Variants in N4BP2 observed in about 807,000 individuals in gnomAD.
The protein encoded by N4BP2 is NEDD4-binding protein 2.
In N4BP2, 91 loss-of-function variants were observed where a neutral mutation model predicts 152.8. The ratio of observed to expected loss-of-function variants is 0.60; its 90% CI spans 0.50 to 0.71. N4BP2 has a LOEUF of 0.71. N4BP2 is among the 30% of genes least tolerant of loss of function. N4BP2 has a pLI of 0.00. For synonymous variants in N4BP2, 646 were observed against 705.3 expected (o/e 0.92, Z 1.33); for missense variants, 1,923 against 2,059.1 (o/e 0.93, Z 1.28).
At chr4:40,167,393 A>G in the N4BP2 span, 3 of 152,236 alleles carry the variant, frequency 2.0e-5, no homozygotes, top group African/African-American at 7.2e-5. Flanking sequence ...CTCTGACAGA[A>G]TTCCTGAATC....
intron 1 of N4BP2, among the ~76,000 whole-genome samples, chr4:40,066,320 C>CCTT (rs796388604): frequency 5.4e-5 from 7 of 129,064 alleles, no homozygotes; most frequent in Non-Finnish European, 6.3e-5. Context: ...GTGATTTTCC[C>CCTT]TTTTTTTTTT....
chr4:40,060,623 G>A (rs1733583436), intron 1 of N4BP2, among the ~76,000 whole-genome samples: 1 of 142,594 alleles, frequency 7.0e-6, no homozygotes, highest in Non-Finnish European at 1.5e-5. Flanking sequence ...TTTTTTTTGA[G>A]ACAGGGTCTC....
chr4:40,117,160 T>C (rs1314723694), intron 7 of N4BP2, among the ~76,000 whole-genome samples: 1 of 152,200 alleles, frequency 6.6e-6, no homozygotes, highest in Non-Finnish European at 1.5e-5. Context: ...TTCTTTACAT[T>C]GCTTCCGTCC....
At chr4:40,072,513 G>C (rs1712307716) in intron 1 of N4BP2, among the ~76,000 whole-genome samples, 1 of 151,564 alleles carries the variant, frequency 6.6e-6, no homozygotes, top group African/African-American at 2.4e-5. Context: ...CAACGTGCTG[G>C]GATTACAGGC....
chr4:40,067,638 G>A (rs951414772), intron 1 of N4BP2, among the ~76,000 whole-genome samples: 4 of 152,092 alleles, frequency 2.6e-5, no homozygotes, highest in South Asian at 2.1e-4. Flanking sequence ...GCCATTGTAC[G>A]TTCCTACCAG....
intron 5 of N4BP2, among the ~76,000 whole-genome samples, chr4:40,110,694 C>T (rs891579325): frequency 2.6e-5 from 4 of 152,108 alleles, no homozygotes; most frequent in African/African-American, 9.7e-5. Context: ...CAAGCCACTA[C>T]GCCCGGCTAA....
rs1721603550 is a variant in N4BP2 at position 40,156,443 on chromosome 4, A to G, written c.*2206A>G. On this transcript the variant is annotated 3_prime_UTR_variant, in exon 18 of 18. Transcript: ENST00000261435. ...TATATCTTAATCATTGTTGATAAAT[A>G]TACAGGCAAAGTTTGAGCATCATAT... 2 of 152,170 alleles carry G rather than the reference A, an allele frequency of 1.3e-5. No individual in the cohort carries two copies. Among genetic ancestry groups the G allele is most frequent in the Admixed American group, 6.5e-5 (1 of 15,278 alleles). The allele number at this position is 152,170 out of a possible 1,614,324, so 9.4% of individuals were successfully genotyped here.
At chr4:40,189,750 A>G in the N4BP2 span, among the ~76,000 whole-genome samples, 1 of 152,026 alleles carries the variant, frequency 6.6e-6, no homozygotes, top group Non-Finnish European at 1.5e-5. The surrounding 1 kb of genome is among the most constrained non-coding windows in gnomAD (Gnocchi z 4.3). Flanking sequence ...TTAGCTGGGC[A>G]TGGTGGTAGG....
chr4:40,116,336 C>A (rs1717330046), intron 7 of N4BP2, among the ~76,000 whole-genome samples: 1 of 151,990 alleles, frequency 6.6e-6, no homozygotes, highest in African/African-American at 2.4e-5. Flanking sequence ...GATCTTGTCT[C>A]ATTCTGTGCT....
chr4:40,111,448 G>C (rs1175669330), intron 5 of N4BP2, among the ~76,000 whole-genome samples: 1 of 152,088 alleles, frequency 6.6e-6, no homozygotes, highest in Admixed American at 6.5e-5. Context: ...AGCCTCCCAA[G>C]TAGTTGGGAC....
At chr4:40,098,132 T>C (rs1715272235) in intron 3 of N4BP2, among the ~76,000 whole-genome samples, 1 of 152,178 alleles carries the variant, frequency 6.6e-6, no homozygotes, top group Non-Finnish European at 1.5e-5. Context: ...AGCAACTGAC[T>C]CATAATAGGA....
chr4:40,141,764 C>T (rs536298722), intron 14 of N4BP2, among the ~76,000 whole-genome samples: 3,755 of 152,264 alleles, frequency 0.025, 160 homozygotes, highest in African/African-American at 0.086. Flanking sequence ...TGTAGCGAGC[C>T]GAGATCACGC....
In N4BP2 at chr4:40,097,374, C is replaced by T; in HGVS notation, c.34C>T (p.Pro12Ser). ...GAGAAGGAAAAATCTTGGGGGAAAT[C>T]CTTTTCGGAAGACTGCAAACCCTAA... is the stretch of plus-strand genomic sequence containing the variant. ...PRRRKNLGGN[P>S]FRKTANPKEV... The change falls in exon 3 of 18, where the codon CCT becomes TCT. Residue 12 changes from proline (P) to serine (S), a missense_variant. Coordinates refer to ENST00000261435, the MANE Select transcript of N4BP2 (RefSeq NM_018177.6). The T allele has an allele frequency of 1.2e-6, 2 of 1,613,914 alleles. No individual in the cohort carries two copies. Among genetic ancestry groups the T allele is most frequent in the Non-Finnish European group, 1.7e-6 (2 of 1,179,882 alleles).
chr4:40,131,513 A>G (rs1273955599), intron 12 of N4BP2, among the ~76,000 whole-genome samples: 1 of 152,184 alleles, frequency 6.6e-6, no homozygotes, highest in African/African-American at 2.4e-5. Context: ...CATGTGTGAC[A>G]GTATGTGTAT....
Position 40,156,139 on chromosome 4 carries a change from G to A in N4BP2, c.*1902G>A, listed in dbSNP as rs1421117666. ...CTATGTATACATTAGTATGATTTAAGGGTATGAAAAACAGTGCTAAAATGT... is the reference window on the plus strand; with the variant it reads ...CTATGTATACATTAGTATGATTTAAAGGTATGAAAAACAGTGCTAAAATGT... On this transcript the variant is annotated 3_prime_UTR_variant, in exon 18 of 18. Transcript: ENST00000261435. The A allele has an allele frequency of 6.6e-6, 1 of 152,106 alleles. No individual in the cohort carries two copies. Among genetic ancestry groups the A allele is most frequent in the East Asian group, 1.9e-4 (1 of 5,200 alleles). 9.4% of individuals were successfully genotyped at this position (152,106 alleles called of 1,614,324 possible). A position where few individuals can be genotyped will look rare whatever the true frequency, so the allele number is the denominator to read the frequency against.
chr4:40,128,719 G>A (rs982088273), intron 12 of N4BP2, among the ~76,000 whole-genome samples: 10 of 151,548 alleles, frequency 6.6e-5, no homozygotes, highest in Middle Eastern at 3.2e-3. Flanking sequence ...GTAGAGACAG[G>A]GTTTCACCAT....
At position 40,152,751 on chromosome 4, in the gene N4BP2, T is replaced by C. The variant is rs560334579; in HGVS notation, c.5144-29T>C. 25 of 1,611,450 alleles carry C rather than the reference T, an allele frequency of 1.6e-5. No individual in the cohort carries two copies. The African/African-American group carries it at 2.8e-4, about 18-fold the overall frequency. ...TATTGAGAATGTAAGATAAATGAAT[T>C]TTAACTCCCCTGATTTCTGTTGTAA... On this transcript the variant is annotated intron_variant, in intron 16 of 17. Transcript: ENST00000261435.
intron 13 of N4BP2, among the ~76,000 whole-genome samples, chr4:40,136,391 T>A (rs563856952): frequency 1.4e-5 from 2 of 138,270 alleles, no homozygotes; most frequent in East Asian, 4.2e-4. Context: ...TCTATCTATC[T>A]ATCTTTTTTT....
intron 10 of N4BP2, among the ~76,000 whole-genome samples, chr4:40,123,644 C>A (rs951945572): frequency 6.7e-6 from 1 of 149,720 alleles, no homozygotes. Context: ...TGCCACCACA[C>A]CTAGGTAATT....
Sources: allele counts gnomAD v4.1 joint callset (sites outside exome capture counted in the v4.1 genomes callset), GRCh38; gene constraint gnomAD v4.1.1; non-coding constraint Gnocchi (gnomAD v3.1); transcripts MANE v1.5; gene names NCBI Gene and HGNC (gene_info 2026-07-23, HGNC 2026-07-21).